The following JPH2 variants were observed in gnomAD, a reference collection of about 807,000 sequenced individuals.
JPH2 encodes junctophilin 2.
Under a neutral mutation model 55.9 loss-of-function variants are expected in JPH2, and 38 were observed. The ratio of observed to expected loss-of-function variants is 0.68; its 90% CI spans 0.52 to 0.89. The LOEUF is 0.89. JPH2 is among the 40% of genes least tolerant of loss of function. The probability of loss-of-function intolerance (pLI) is 0.00; values close to 1 mark genes in which losing one functional copy is unlikely to be tolerated. For missense variants in JPH2, 964 were observed against 1,037.6 expected (o/e 0.93, Z 0.97); for synonymous variants, 480 against 472.4 (o/e 1.02, Z -0.21).
chr20:44,135,074 A>G lies in JPH2; in HGVS notation c.1170-16451T>C, dbSNP rs572058604. On this transcript the variant is annotated intron_variant, in intron 2 of 5. Coordinates refer to ENST00000372980, the MANE Select transcript of JPH2 (RefSeq NM_020433.5). ...TGCTAGTGACAAACCAGTATAGACTATTTCAATATTTAACAATTGGCATGA... is the reference window on the plus strand; with the variant it reads ...TGCTAGTGACAAACCAGTATAGACTGTTTCAATATTTAACAATTGGCATGA... Among the ~76,000 whole-genome samples the G allele has an allele frequency of 1.9e-4, 28 of 150,472 alleles. 1 individual carries two copies. The South Asian group carries it at 5.9e-3, about 31-fold the overall frequency.
intron 2 of JPH2, among the ~76,000 whole-genome samples, chr20:44,134,666 A>ACATT (rs1569195111): frequency 2.3e-5 from 1 of 44,026 alleles, no homozygotes. Flanking sequence ...AAATATATAT[A>ACATT]AATATATATT....
chr20:44,136,353 T>C (rs1291397124), intron 2 of JPH2, among the ~76,000 whole-genome samples: 1 of 152,112 alleles, frequency 6.6e-6, no homozygotes, highest in Non-Finnish European at 1.5e-5. Flanking sequence ...GGGGACGAAG[T>C]CTGCTGGAAA....
intron 2 of JPH2, among the ~76,000 whole-genome samples, chr20:44,148,260 C>T (rs946269469): frequency 2.1e-4 from 32 of 152,162 alleles, no homozygotes; most frequent in African/African-American, 7.5e-4. Context: ...ACTTAGTGGC[C>T]GCCACATATT....
intron 1 of JPH2, among the ~76,000 whole-genome samples, chr20:44,185,077 T>C (rs1207165922): frequency 1.3e-5 from 2 of 152,124 alleles, no homozygotes; most frequent in Non-Finnish European, 1.5e-5. Context: ...AGTCCAAGAA[T>C]TGCTTGAGCC....
At chr20:44,156,428 T>C (rs2072567103) in intron 2 of JPH2, among the ~76,000 whole-genome samples, 1 of 152,220 alleles carries the variant, frequency 6.6e-6, no homozygotes, top group African/African-American at 2.4e-5. Flanking sequence ...CAATAAATTA[T>C]ATGAGCACCT....
At chr20:44,175,089 T>C (rs1422488804) in intron 1 of JPH2, among the ~76,000 whole-genome samples, 1 of 152,162 alleles carries the variant, frequency 6.6e-6, no homozygotes, top group Non-Finnish European at 1.5e-5. Flanking sequence ...GAAAACACCT[T>C]TGTCCGGTCT....
In JPH2 at chr20:44,109,353, G is replaced by A. The variant is rs2072126586; in HGVS notation, c.*4165C>T. Among the ~76,000 whole-genome samples, 2 of 152,230 alleles carry A rather than the reference G, an allele frequency of 1.3e-5. No homozygotes were observed. The highest frequency in any genetic ancestry group is 2.9e-5 in the Non-Finnish European group (2 of 68,042). On this transcript the variant is annotated 3_prime_UTR_variant, in exon 6 of 6. Coordinates refer to ENST00000372980, the MANE Select transcript of JPH2 (RefSeq NM_020433.5). Reference sequence around the variant, plus strand: ...CATGCTGGGAATTGTTCTAAGTGCTGTGTTCATATTTTCTATCTGAAGAGG... The same window carrying A: ...CATGCTGGGAATTGTTCTAAGTGCTATGTTCATATTTTCTATCTGAAGAGG...
Position 44,116,179 on chromosome 20 carries a change from G to GGCCTGGGCC in JPH2, c.1487_1495dup (p.Arg496_Arg498dup). 1 of 1,395,960 alleles carries GGCCTGGGCC rather than the reference G, an allele frequency of 7.2e-7. No homozygotes were observed. Among genetic ancestry groups the GGCCTGGGCC allele is most frequent in the Non-Finnish European group, 9.2e-7 (1 of 1,087,018 alleles). 86.5% of individuals were successfully genotyped at this position (1,395,960 alleles called of 1,614,324 possible). On this transcript the variant is annotated inframe_insertion, in exon 4 of 6. Coordinates refer to ENST00000372980, the MANE Select transcript of JPH2 (RefSeq NM_020433.5). ...CAGCAGGCCGTCCTTGGACACCCCG[G>GGCCTGGGCC]GCCTGGGCCGCTTGGGCTGCGGGGG...
chr20:44,134,863 TAAA>T (rs1569195663), intron 2 of JPH2, among the ~76,000 whole-genome samples: 31 of 37,408 alleles, frequency 8.3e-4, no homozygotes, highest in African/African-American at 1.5e-3. Context: ...AATATATATA[TAAA>T]TATATATATT....
chr20:44,183,157 C>G (rs1007479237), intron 1 of JPH2, among the ~76,000 whole-genome samples: 2 of 152,180 alleles, frequency 1.3e-5, no homozygotes, highest in African/African-American at 4.8e-5. Flanking sequence ...CTACAGTGCA[C>G]CACTGTGCAT....
At chr20:44,122,082 G>A (rs1437139536) in intron 2 of JPH2, among the ~76,000 whole-genome samples, 2 of 152,216 alleles carry the variant, frequency 1.3e-5, no homozygotes, top group Non-Finnish European at 2.9e-5. Context: ...GGGATCTAGA[G>A]TCTGTATCCT....
At chr20:44,146,817 T>G (rs761206) in intron 2 of JPH2, among the ~76,000 whole-genome samples, 139,496 of 152,302 alleles carry the variant, frequency 0.92, 63,967 homozygotes, top group African/African-American at 0.95. Context: ...AGCACATAGC[T>G]CCAGCAGCAA....
intron 2 of JPH2, among the ~76,000 whole-genome samples, chr20:44,139,359 C>A (rs2072439251): frequency 6.6e-6 from 1 of 152,050 alleles, no homozygotes; most frequent in Admixed American, 6.5e-5. Context: ...TAGAGATATA[C>A]CAACCCATGG....
intron 2 of JPH2, among the ~76,000 whole-genome samples, chr20:44,126,478 C>T (rs934777045): frequency 3.3e-5 from 5 of 152,086 alleles, no homozygotes; most frequent in Non-Finnish European, 7.4e-5. Flanking sequence ...CACTGCCCTA[C>T]CCTCTCCCAA....
At chr20:44,134,329 A>AATATTTATTATAT (rs1362849017) in intron 2 of JPH2, among the ~76,000 whole-genome samples, 302 of 1,414 alleles carry the variant, frequency 0.21, 8 homozygotes, top group South Asian at 0.31. Flanking sequence ...ATATATAATA[A>AATATTTATTATAT]ATATATAATA....
At chr20:44,113,762 C>T (rs1322911663) in intron 5 of JPH2, among the ~76,000 whole-genome samples, 2 of 152,232 alleles carry the variant, frequency 1.3e-5, no homozygotes, top group Non-Finnish European at 2.9e-5. Context: ...TCTCTTCCCT[C>T]TTCCTCCCCC....
chr20:44,111,264 CGTG>C lies in JPH2; in HGVS notation c.*2251_*2253del, dbSNP rs2072141614. ...TGTAGCAGAGCTAACAGCACCATAG[CGTG>C]ATAACAACACTCGTCTCCATTTCTC... is the stretch of plus-strand genomic sequence containing the variant. On this transcript the variant is annotated 3_prime_UTR_variant, in exon 6 of 6. Coordinates refer to ENST00000372980, the MANE Select transcript of JPH2 (RefSeq NM_020433.5). 1.3e-5 allele frequency among the ~76,000 whole-genome samples: 2 copies of C among 152,218 alleles called. No individual in the cohort carries two copies. The highest frequency in any genetic ancestry group is 2.1e-4 in the South Asian group (1 of 4,834).
rs76182424 is a variant in JPH2 at position 44,110,428 on chromosome 20, GTTT to G, written c.*3087_*3089del. On this transcript the variant is annotated 3_prime_UTR_variant, in exon 6 of 6. Transcript: ENST00000372980. ...ATTCCAGAGTTTTGAAAACTTTTGT[GTTT>G]TTTTTTTTTTCCAGATGGAGTCTTG... 2.6e-4 allele frequency among the ~76,000 whole-genome samples: 39 copies of G among 147,314 alleles called. No individual in the cohort carries two copies. The South Asian group carries it at 4.9e-3, about 19-fold the overall frequency.
intron 2 of JPH2, among the ~76,000 whole-genome samples, chr20:44,142,838 G>T (rs866142041): frequency 4.6e-5 from 7 of 152,274 alleles, no homozygotes; most frequent in Middle Eastern, 3.4e-3. Context: ...TAACATGGAG[G>T]GTGCCCCATG....
Sources: gnomAD v4.1 joint callset for allele counts (sites outside exome capture counted in the v4.1 genomes callset) on GRCh38, gnomAD v4.1.1 for gene constraint, MANE v1.5 for transcripts, NCBI Gene and HGNC (gene_info 2026-07-23, HGNC 2026-07-21) for gene names.